Variants in DST observed in about 807,000 individuals in gnomAD.
The protein encoded by DST is bullous pemphigoid antigen.
Under a neutral mutation model 875.2 loss-of-function variants are expected in DST, and 253 were observed. The observed-to-expected ratio is 0.29, with a 90% confidence interval of 0.26 to 0.32. The LOEUF is 0.32. Among genes scored for constraint, DST ranks in the 10% least tolerant of loss-of-function variants. The pLI, the probability that DST is intolerant of heterozygous loss-of-function variation, is 1.00. For missense variants in DST, 8,287 were observed against 9,111.6 expected (o/e 0.91, Z 3.68); for synonymous variants, 3,124 against 3,197.1 (o/e 0.98, Z 0.77).
At chr6:56,544,061 C>T (rs1011906229) in intron 61 of DST, among the ~76,000 whole-genome samples, 1 of 152,126 alleles carries the variant, frequency 6.6e-6, no homozygotes, top group Non-Finnish European at 1.5e-5. Context: ...ATGTTCAAGA[C>T]GTGAAATATT....
intron 10 of DST, among the ~76,000 whole-genome samples, chr6:56,662,623 C>T (rs982598188): frequency 6.6e-6 from 1 of 152,122 alleles, no homozygotes; most frequent in Non-Finnish European, 1.5e-5. Flanking sequence ...AGAATGTGGG[C>T]TATACCTTAC....
At chr6:56,925,640 T>C (rs1806657019) in intron 2 of DST, among the ~76,000 whole-genome samples, 1 of 152,230 alleles carries the variant, frequency 6.6e-6, no homozygotes, top group Non-Finnish European at 1.5e-5. Flanking sequence ...GCTTGCCGAT[T>C]AGAATTTTTC....
chr6:56,672,076 A>T (rs1228858126), intron 9 of DST, among the ~76,000 whole-genome samples: 1 of 152,244 alleles, frequency 6.6e-6, no homozygotes, highest in African/African-American at 2.4e-5. Context: ...AGAATTAAAA[A>T]AAAACTCCAA....
rs1285546568 is a variant in DST, at chr6:56,553,147, C to T, written c.15645G>A (p.Met5215Ile). The T allele has an allele frequency of 4.3e-6, 7 of 1,613,864 alleles. No homozygotes were observed. The highest frequency in any genetic ancestry group is 1.3e-5 in the African/African-American group (1 of 74,922). The change falls in exon 61 of 104, where the codon ATG becomes ATA. Residue 5215 changes from methionine to isoleucine, a missense_variant. Physicochemically the swap from Met to Ile is conservative, Grantham distance 10. Around this residue, in one of 10 missense-constraint regions of DST, gnomAD observed 1,513 missense variants for 1,677.8 expected, o/e 0.90. Coordinates refer to ENST00000680361, the MANE Select transcript of DST (RefSeq NM_001374736.1). ...IAKLKSLQKEMDQHFGMVELL... is the reference protein window; with the variant it reads ...IAKLKSLQKEIDQHFGMVELL... Reference sequence around the variant, plus strand: ...ATTCTACCATACCAAAGTGTTGGTCCATTTCCTTCTGCAGAGACTTTAACT... The same window carrying T: ...ATTCTACCATACCAAAGTGTTGGTCTATTTCCTTCTGCAGAGACTTTAACT...
chr6:56,660,538 C>T (rs780696082), intron 10 of DST, among the ~76,000 whole-genome samples: 2 of 150,048 alleles, frequency 1.3e-5, no homozygotes, highest in Non-Finnish European at 2.9e-5. Context: ...ATGACTGTTT[C>T]GATTAAATCA....
chr6:56,855,571 C>A (rs1416495480), intron 3 of DST, among the ~76,000 whole-genome samples: 1 of 152,174 alleles, frequency 6.6e-6, no homozygotes, highest in African/African-American at 2.4e-5. Context: ...ATATGGCAGA[C>A]CCACTGAGTA....
chr6:56,827,551 A>G (rs117347180), intron 4 of DST, among the ~76,000 whole-genome samples: 1 of 151,718 alleles, frequency 6.6e-6, no homozygotes, highest in East Asian at 1.9e-4. Context: ...CAACAATATT[A>G]TCAATGTAAA....
At chr6:56,719,646 A>G (rs1356311210) in intron 5 of DST, among the ~76,000 whole-genome samples, 1 of 152,222 alleles carries the variant, frequency 6.6e-6, no homozygotes, top group African/African-American at 2.4e-5. Context: ...ATTGGGCAAA[A>G]TTCACCCCCG....
At chr6:56,823,250 C>T (rs2099775284) in intron 4 of DST, among the ~76,000 whole-genome samples, 1 of 152,104 alleles carries the variant, frequency 6.6e-6, no homozygotes, top group South Asian at 2.1e-4. Flanking sequence ...TATTCTGAGC[C>T]TCCCCTCAGT....
At chr6:56,831,920 G>C (rs966926415) in intron 4 of DST, among the ~76,000 whole-genome samples, 3 of 152,002 alleles carry the variant, frequency 2.0e-5, no homozygotes, top group African/African-American at 7.2e-5. Flanking sequence ...AATGCTGCTT[G>C]AATGCTTTCA....
chr6:56,844,870 T>TAAAAAA (rs1213550150), intron 4 of DST, among the ~76,000 whole-genome samples: 1 of 101,114 alleles, frequency 9.9e-6, no homozygotes, highest in African/African-American at 4.1e-5. Context: ...AGACTCCGTC[T>TAAAAAA]CAAAAAAAAA....
At position 56,606,357 on chromosome 6, in the gene DST, T is replaced by C. The variant is rs577942735; in HGVS notation, c.8271A>G (p.Leu2757=). The C allele has an allele frequency of 8.7e-5, 141 of 1,613,206 alleles. No homozygotes were observed. The South Asian group carries it at 1.5e-3, about 17-fold the overall frequency. Residue 2757 remains leucine (L), a synonymous_variant, in exon 40 of 104, where the codon TTA becomes TTG. Transcript: ENST00000680361. ...TCCAACTGCCACTGTCATCAAATTT[T>C]AATGATGCAGTGAAGCTCTCTTTTC... ...VGGKESFTAS[L]KFDDSGSWRG...
At chr6:56,500,918 TATA>T (rs2096096629) in intron 80 of DST, among the ~76,000 whole-genome samples, 159 bp downstream of exon 80, 1 of 152,210 alleles carries the variant, frequency 6.6e-6, no homozygotes. Flanking sequence ...ACATTTTGAC[TATA>T]ATGTTTTAAG....
rs1262254240 is a variant in DST at position 56,951,331 on chromosome 6, C to A, written c.216+2454G>T. On this transcript the variant is annotated intron_variant, in intron 2 of 103. Transcript: ENST00000680361. ...TACTTACTGAGAATGGAAGGAGAAA[C>A]AGAAAGTACTAAATTCTTAGTTCAA... Among the ~76,000 whole-genome samples the A allele has an allele frequency of 8.5e-5, 13 of 152,246 alleles. No homozygotes were observed. In the East Asian group the frequency reaches 2.5e-3, roughly 29 times the overall value.
intron 5 of DST, among the ~76,000 whole-genome samples, chr6:56,727,179 T>C (rs1222535315): frequency 6.6e-6 from 1 of 152,182 alleles, no homozygotes; most frequent in East Asian, 1.9e-4. Context: ...AATGCAATCA[T>C]TTGTCTCTTA....
chr6:56,482,577 G>A, intron 89 of DST, 106 bp downstream of exon 89: 2 of 1,142,484 alleles, frequency 1.8e-6, no homozygotes, highest in Non-Finnish European at 2.5e-6. Flanking sequence ...TCTTCAGACT[G>A]TCCTGATTGA....
At chr6:56,882,626 A>C (rs912430889) in intron 3 of DST, among the ~76,000 whole-genome samples, 1 of 151,696 alleles carries the variant, frequency 6.6e-6, no homozygotes, top group African/African-American at 2.4e-5. Flanking sequence ...CTGAGCAGAG[A>C]GTCACATAAT....
rs57229740 is a variant in DST at position 56,482,364 on chromosome 6, T to TA, written c.21403-187dup. On this transcript the variant is annotated intron_variant, in intron 89 of 103. Coordinates refer to ENST00000680361, the MANE Select transcript of DST (RefSeq NM_001374736.1). ...TTTTACAAGAAAACACTTAATATAT[T>TA]AAAAAAAAAGCCTATATGAAGAAAA... The TA allele has an allele frequency of 0.03, 20,801 of 702,044 alleles. 345 individuals are homozygous for TA. Among genetic ancestry groups the TA allele is most frequent in the African/African-American group, 0.086 (4,680 of 54,218 alleles). 43.5% of individuals were successfully genotyped at this position (702,044 alleles called of 1,614,324 possible).
At chr6:56,486,140 G>C (rs2095552881) in intron 87 of DST, among the ~76,000 whole-genome samples, 1 of 151,988 alleles carries the variant, frequency 6.6e-6, no homozygotes, top group Admixed American at 6.5e-5. Context: ...GAGGCGGGCG[G>C]ATCACGAGGT....
Sources: allele counts gnomAD v4.1 joint callset (sites outside exome capture counted in the v4.1 genomes callset), GRCh38; gene constraint gnomAD v4.1.1; regional missense constraint gnomAD v4.1.1; transcripts MANE v1.5; gene names NCBI Gene and HGNC (gene_info 2026-07-23, HGNC 2026-07-21).